The following APCDD1 variants were observed in gnomAD, a reference collection of about 807,000 sequenced individuals.
The protein encoded by APCDD1 is APC down-regulated 1.
APCDD1 carries 15 observed loss-of-function variants against 38.1 expected under a neutral mutation model. That is an observed-to-expected ratio of 0.39 (90% CI 0.26 to 0.61). The LOEUF is 0.61. APCDD1 is among the 20% of genes least tolerant of loss of function. APCDD1 has a pLI of 0.49. For missense variants in APCDD1, 647 were observed against 696.2 expected, an observed-to-expected ratio of 0.93 and a Z score of 0.79; for synonymous variants, 261 against 279.7, an observed-to-expected ratio of 0.93 and a Z score of 0.67.
chr18:10,485,462 A>G lies in APCDD1; in HGVS notation c.775A>G (p.Asn259Asp). The change falls in exon 4 of 5, where the codon AAC becomes GAC. Residue 259 changes from asparagine to aspartate, a missense_variant and splice_region_variant. Transcript: ENST00000355285. The surrounding 1 kb of genome is among the most constrained non-coding windows in gnomAD (Gnocchi z 5.8). ...SYQPPLQNAK[N>D]HDHACIACRI... ...GAATGTGTTTGTTTCTTGGCTTCAG[A>G]ACCACGACCATGCCTGCATCGCCTG... 1.9e-6 allele frequency: 3 copies of G among 1,613,924 alleles called. No individual in the cohort carries two copies. Among genetic ancestry groups the G allele is most frequent in the Non-Finnish European group, 2.5e-6 (3 of 1,180,022 alleles).
At chr18:10,468,282 A>T (rs1286555891) in intron 1 of APCDD1, among the ~76,000 whole-genome samples, 187 bp from the exon 2 acceptor site, 1 of 152,254 alleles carries the variant, frequency 6.6e-6, no homozygotes, top group Non-Finnish European at 1.5e-5. Context: ...CAGGGAATTG[A>T]TCTACAATGA....
intron 1 of APCDD1, among the ~76,000 whole-genome samples, chr18:10,466,869 C>T (rs377379281): frequency 1.3e-5 from 2 of 152,342 alleles, no homozygotes; most frequent in South Asian, 2.1e-4. Flanking sequence ...ACATGGCACT[C>T]TCCTCTTTTG....
rs1228185453 is a variant in APCDD1 at position 10,476,837 on chromosome 18, A to T, written c.774+4776A>T. ...TACCTGAGAACTGCAGAAAAAGAGCATGCTGTGCTTTCTCTCTCAAATTCT... is the reference window on the plus strand; with the variant it reads ...TACCTGAGAACTGCAGAAAAAGAGCTTGCTGTGCTTTCTCTCTCAAATTCT... On this transcript the variant is annotated intron_variant, in intron 3 of 4. Coordinates refer to ENST00000355285, the MANE Select transcript of APCDD1 (RefSeq NM_153000.5). This position sits in a 1 kb window ranked among gnomAD's most constrained non-coding sequence, Gnocchi z 5.8. 1 of 152,376 alleles carries T rather than the reference A, an allele frequency of 6.6e-6. No individual in the cohort carries two copies. The highest frequency in any genetic ancestry group is 1.9e-4 in the East Asian group (1 of 5,192). The allele number at this position is 152,376 out of a possible 1,614,324, so 9.4% of individuals were successfully genotyped here. A position where few individuals can be genotyped will look rare whatever the true frequency, so the allele number is the denominator to read the frequency against.
Position 10,471,679 on chromosome 18 carries a change from G to A in APCDD1, c.392G>A (p.Arg131His), listed in dbSNP as rs370464025. Residue 131 changes from arginine to histidine, a missense_variant, in exon 3 of 5, where the codon CGC becomes CAC. By Grantham distance (29) the Arg-to-His change is conservative (BLOSUM62 0). Coordinates refer to ENST00000355285, the MANE Select transcript of APCDD1 (RefSeq NM_153000.5). This position sits in a 1 kb window ranked among gnomAD's most constrained non-coding sequence, Gnocchi z 5.5. ...ATCATCCGGGGCAAGATCCGCCTCC[G>A]CCAGGCCTCCTGGATCATCCGAGGG... ...TLIIRGKIRL[R>H]QASWIIRGGT... is the part of the protein sequence containing the mutation. 27 of 1,614,014 alleles carry A rather than the reference G, an allele frequency of 1.7e-5. No individual in the cohort carries two copies. The highest frequency in any genetic ancestry group is 6.7e-5 in the East Asian group (3 of 44,874).
chr18:10,486,188 T>TA (rs938903352), intron 4 of APCDD1, among the ~76,000 whole-genome samples: 43 of 152,068 alleles, frequency 2.8e-4, no homozygotes, highest in African/African-American at 9.6e-4. Context: ...CCTAACTCTA[T>TA]AAAAAAATAA....
intron 3 of APCDD1, among the ~76,000 whole-genome samples, chr18:10,483,630 C>T (rs973180909): frequency 5.9e-5 from 9 of 152,216 alleles, no homozygotes; most frequent in Non-Finnish European, 1.0e-4. Flanking sequence ...ACCCTGGTGA[C>T]TGAGATCTCC....
intron 1 of APCDD1, among the ~76,000 whole-genome samples, chr18:10,462,245 T>A (rs528987473): frequency 1.3e-5 from 2 of 152,336 alleles, no homozygotes; most frequent in East Asian, 3.9e-4. Context: ...GAATGGTTAT[T>A]ATTAGTGCGG....
intron 1 of APCDD1, among the ~76,000 whole-genome samples, chr18:10,460,830 A>C (rs1465275715): frequency 6.6e-6 from 1 of 152,108 alleles, no homozygotes; most frequent in African/African-American, 2.4e-5. Context: ...TAGGAATGAG[A>C]TCTGCTGTGG....
At position 10,488,162 on chromosome 18, in the gene APCDD1, C is replaced by T; in HGVS notation, c.*124C>T. ...ATGCCAGAGAACTGTCCTTCTTTTT[C>T]TCCTCTCCCTCCCTCCCAGCCCCTG... On this transcript the variant is annotated 3_prime_UTR_variant, in exon 5 of 5. Transcript: ENST00000355285. 1 of 1,197,072 alleles carries T rather than the reference C, an allele frequency of 8.4e-7. No homozygotes were observed. Among genetic ancestry groups the T allele is most frequent in the Non-Finnish European group, 1.2e-6 (1 of 847,440 alleles). The allele number at this position is 1,197,072 out of a possible 1,614,324, so 74.2% of individuals were successfully genotyped here. A position where few individuals can be genotyped will look rare whatever the true frequency, so the allele number is the denominator to read the frequency against.
At chr18:10,466,338 G>A (rs1345401490) in intron 1 of APCDD1, among the ~76,000 whole-genome samples, 2 of 152,188 alleles carry the variant, frequency 1.3e-5, no homozygotes, top group Non-Finnish European at 2.9e-5. Context: ...CAACACGAGG[G>A]TGAGGCACTT....
At chr18:10,461,467 A>G (rs761798973) in intron 1 of APCDD1, among the ~76,000 whole-genome samples, 2 of 152,200 alleles carry the variant, frequency 1.3e-5, no homozygotes, top group African/African-American at 2.4e-5. Flanking sequence ...TGGACTGGGA[A>G]CAGTCCCTGG....
At chr18:10,483,827 G>A (rs1000751899) in intron 3 of APCDD1, among the ~76,000 whole-genome samples, 1 of 152,224 alleles carries the variant, frequency 6.6e-6, no homozygotes. Context: ...TGATCCGATC[G>A]GCACGTGCTG....
chr18:10,471,886 A>C lies in APCDD1; in HGVS notation c.599A>C (p.Lys200Thr), dbSNP rs1252894554. ...GAGGAGAACGGCTGTGAGTGCACCA[A>C]GGCCGTGAACTTTGCCATGCATGAA... ...WREENGCECTKAVNFAMHELQ... is the reference protein window; with the variant it reads ...WREENGCECTTAVNFAMHELQ... The change falls in exon 3 of 5, where the codon AAG becomes ACG. Residue 200 changes from lysine to threonine, a missense_variant. Physicochemically the swap from Lys to Thr is moderately conservative, Grantham distance 78. Coordinates refer to ENST00000355285, the MANE Select transcript of APCDD1 (RefSeq NM_153000.5). This position sits in a 1 kb window ranked among gnomAD's most constrained non-coding sequence, Gnocchi z 5.5. 1 of 1,614,094 alleles carries C rather than the reference A, an allele frequency of 6.2e-7. No individual in the cohort carries two copies. The highest frequency in any genetic ancestry group is 2.2e-5 in the East Asian group (1 of 44,890).
At chr18:10,480,216 G>C (rs1039980089) in intron 3 of APCDD1, among the ~76,000 whole-genome samples, 1 of 152,138 alleles carries the variant, frequency 6.6e-6, no homozygotes, top group African/African-American at 2.4e-5. Context: ...CCAAAAAAGA[G>C]GGAATAATTT....
chr18:10,479,889 AT>A (rs1292584913), intron 3 of APCDD1, among the ~76,000 whole-genome samples: 2 of 152,196 alleles, frequency 1.3e-5, no homozygotes, highest in Non-Finnish European at 2.9e-5. Context: ...TGCCTAGAAC[AT>A]TGCTCATTTA....
In APCDD1 at chr18:10,454,838, C is replaced by T. The variant is rs1411584318; in HGVS notation, c.-144C>T. 2.9e-6 allele frequency: 3 copies of T among 1,019,812 alleles called. No homozygotes were observed. Among genetic ancestry groups the T allele is most frequent in the Non-Finnish European group, 2.3e-6 (2 of 853,320 alleles). The allele number at this position is 1,019,812 out of a possible 1,614,324, so 63.2% of individuals were successfully genotyped here. On this transcript the variant is annotated 5_prime_UTR_variant, in exon 1 of 5. Transcript: ENST00000355285. ...CCCCGCAGCCCCGCGCCTAGCCCGC[C>T]GGGCATGGGGCGCGCGGCAGCCGCC...
At chr18:10,465,536 C>T (rs1030336192) in intron 1 of APCDD1, among the ~76,000 whole-genome samples, 1 of 152,190 alleles carries the variant, frequency 6.6e-6, no homozygotes, top group Non-Finnish European at 1.5e-5. Context: ...GGAAGAATAA[C>T]TGCAACTCCA....
intron 1 of APCDD1, among the ~76,000 whole-genome samples, chr18:10,465,788 C>G (rs750902428): frequency 7.2e-5 from 11 of 152,174 alleles, no homozygotes; most frequent in Non-Finnish European, 1.6e-4. Context: ...GTTAAGGCAT[C>G]ATATCATTGT....
intron 3 of APCDD1, among the ~76,000 whole-genome samples, chr18:10,474,476 C>G (rs1469521111): frequency 2.6e-5 from 4 of 152,196 alleles, no homozygotes; most frequent in African/African-American, 9.6e-5. Flanking sequence ...GAGGCAGGTG[C>G]GGCTGGGGAA....
Sources: gnomAD v4.1 joint callset for allele counts (sites outside exome capture counted in the v4.1 genomes callset) on GRCh38, gnomAD v4.1.1 for gene constraint, Gnocchi (gnomAD v3.1) non-coding constraint, MANE v1.5 for transcripts, NCBI Gene and HGNC (gene_info 2026-07-23, HGNC 2026-07-21) for gene names.